The following ARID2 variants were observed in gnomAD, a reference collection of about 807,000 sequenced individuals.
ARID2 encodes AT-rich interaction domain 2.
ARID2 carries 32 observed loss-of-function variants against 184.6 expected under a neutral mutation model. The ratio of observed to expected loss-of-function variants is 0.17; its 90% CI spans 0.13 to 0.23. The LOEUF is 0.23. Ranked by LOEUF, ARID2 falls within the 10% of genes least tolerant of loss-of-function variation. The pLI, the probability that ARID2 is intolerant of heterozygous loss-of-function variation, is 1.00. For missense variants in ARID2, 1,696 were observed against 2,197.6 expected, an observed-to-expected ratio of 0.77 and a Z score of 4.56; for synonymous variants, 836 against 772.6, an observed-to-expected ratio of 1.08 and a Z score of -1.36.
chr12:45,825,660 C>T (rs751729523), intron 6 of ARID2, among the ~76,000 whole-genome samples: 1 of 152,016 alleles, frequency 6.6e-6, no homozygotes, highest in Non-Finnish European at 1.5e-5. Context: ...CCCAAGAGTT[C>T]AAGACTAGCC....
At chr12:45,845,300 G>A (rs894999962) in intron 11 of ARID2, among the ~76,000 whole-genome samples, 1 of 152,124 alleles carries the variant, frequency 6.6e-6, no homozygotes, top group Non-Finnish European at 1.5e-5. Flanking sequence ...AGTATTTTCT[G>A]TATTAATATC....
chr12:45,885,827 C>T (rs1305681934), intron 16 of ARID2, among the ~76,000 whole-genome samples: 1 of 152,160 alleles, frequency 6.6e-6, no homozygotes, highest in Non-Finnish European at 1.5e-5. Context: ...ATCACAAGAA[C>T]AGCATAGGGG....
chr12:45,783,398 C>G (rs1036376381), intron 3 of ARID2, among the ~76,000 whole-genome samples: 9 of 152,138 alleles, frequency 5.9e-5, no homozygotes, highest in African/African-American at 1.9e-4. Context: ...TTATGGTCAT[C>G]TCAGTAAATG....
In ARID2 at chr12:45,852,131, TGGGAAA is replaced by T. The variant is rs778226668; in HGVS notation, c.4009_4014del (p.Gly1337_Lys1338del). Reference sequence around the variant, plus strand: ...TGGAATTAGGTGAGAATGGAGCATCTGGGAAACAGAACTCAGAACAAATAGACATGC... The same window carrying T: ...TGGAATTAGGTGAGAATGGAGCATCTCAGAACTCAGAACAAATAGACATGC... On this transcript the variant is annotated inframe_deletion, in exon 15 of 21. Transcript: ENST00000334344. 1.2e-6 allele frequency: 2 copies of T among 1,614,134 alleles called. No homozygotes were observed. Among genetic ancestry groups the T allele is most frequent in the Non-Finnish European group, 1.7e-6 (2 of 1,180,008 alleles).
chr12:45,833,226 T>G (rs1041397958), intron 6 of ARID2, among the ~76,000 whole-genome samples: 2 of 152,190 alleles, frequency 1.3e-5, no homozygotes, highest in African/African-American at 2.4e-5. Flanking sequence ...GGGTATTAAA[T>G]GCATTACGAT....
chr12:45,867,509 G>A (rs9669291), intron 16 of ARID2, among the ~76,000 whole-genome samples: 156 of 151,054 alleles, frequency 1.0e-3, no homozygotes, highest in African/African-American at 3.6e-3. Context: ...TTGGGAGGCC[G>A]AGGCGGGCTG....
At chr12:45,867,674 C>T (rs766255340) in intron 16 of ARID2, among the ~76,000 whole-genome samples, 4 of 149,554 alleles carry the variant, frequency 2.7e-5, no homozygotes, top group Admixed American at 1.3e-4. Flanking sequence ...ACCCTGGAGG[C>T]GGAGCTTGCA....
At chr12:45,800,521 C>CAT (rs35671385) in intron 3 of ARID2, among the ~76,000 whole-genome samples, 91,118 of 151,650 alleles carry the variant, frequency 0.6, 28,886 homozygotes, top group African/African-American at 0.82. Flanking sequence ...AATTTATAAA[C>CAT]GTGTGCATGC....
intron 6 of ARID2, among the ~76,000 whole-genome samples, chr12:45,826,870 A>G (rs780835535): frequency 2.0e-5 from 3 of 152,142 alleles, no homozygotes; most frequent in Non-Finnish European, 4.4e-5. Flanking sequence ...CATATTATTT[A>G]AAGCAAAAGT....
chr12:45,746,301 A>G (rs1362906380), intron 3 of ARID2, among the ~76,000 whole-genome samples: 1 of 151,910 alleles, frequency 6.6e-6, no homozygotes, highest in Non-Finnish European at 1.5e-5. Context: ...TGTAGAGACC[A>G]GGGCTTTCTG....
At chr12:45,744,431 A>G (rs1253987993) in intron 3 of ARID2, among the ~76,000 whole-genome samples, 1 of 152,138 alleles carries the variant, frequency 6.6e-6, no homozygotes, top group African/African-American at 2.4e-5. Context: ...AGAGGGGCTA[A>G]TGATGAACAT....
intron 20 of ARID2, among the ~76,000 whole-genome samples, chr12:45,899,972 A>T (rs1944436355): frequency 6.6e-6 from 1 of 152,016 alleles, no homozygotes; most frequent in Non-Finnish European, 1.5e-5. Flanking sequence ...TTATTGTTCC[A>T]TCACAGTCGT....
At chr12:45,866,293 C>T (rs189455158) in intron 16 of ARID2, among the ~76,000 whole-genome samples, 131 of 152,186 alleles carry the variant, frequency 8.6e-4, no homozygotes, top group Admixed American at 5.5e-3. Context: ...GACAGGATTA[C>T]TCTTGAATTA....
At chr12:45,863,814 TCTC>T (rs777834645) in intron 16 of ARID2, among the ~76,000 whole-genome samples, 3 of 148,960 alleles carry the variant, frequency 2.0e-5, no homozygotes, top group Admixed American at 6.7e-5. Context: ...TATTTATAAT[TCTC>T]CTTTTTTTTT....
In ARID2 at chr12:45,730,175, G is replaced by C. The variant is rs1387005011; in HGVS notation, c.186+38G>C. 2.5e-6 allele frequency: 4 copies of C among 1,603,988 alleles called. No individual in the cohort carries two copies. In the South Asian group the frequency reaches 4.4e-5, roughly 18 times the overall value. On this transcript the variant is annotated intron_variant, in intron 2 of 20. Transcript: ENST00000334344. ...TTTAATTTGTATTTCCCTCTCGCTGGCCTCCTCCAAAAAGTCTCCTTTGAC... is the reference window on the plus strand; with the variant it reads ...TTTAATTTGTATTTCCCTCTCGCTGCCCTCCTCCAAAAAGTCTCCTTTGAC...
At chr12:45,737,171 G>C (rs945387390) in intron 3 of ARID2, among the ~76,000 whole-genome samples, 11 of 152,130 alleles carry the variant, frequency 7.2e-5, no homozygotes, top group Non-Finnish European at 1.3e-4. Context: ...AAGTCTCTTA[G>C]TGATGTCCAG....
rs530912158 is a variant in ARID2, at chr12:45,803,867, C to T, written c.285-7551C>T. On this transcript the variant is annotated intron_variant, in intron 3 of 20. Coordinates refer to ENST00000334344, the MANE Select transcript of ARID2 (RefSeq NM_152641.4). The stretch of plus-strand genomic sequence containing the variant: ...TCTTTAAGTTGACTTAACCTAGACA[C>T]ACGCAGACATTAGTAAATAGAAAAT... Among the ~76,000 whole-genome samples the T allele has an allele frequency of 9.2e-5, 14 of 152,278 alleles. No individual in the cohort carries two copies. In the South Asian group the frequency reaches 2.9e-3, roughly 32 times the overall value.
At chr12:45,801,589 G>A (rs1942502719) in intron 3 of ARID2, among the ~76,000 whole-genome samples, 1 of 151,994 alleles carries the variant, frequency 6.6e-6, no homozygotes, top group South Asian at 2.1e-4. Flanking sequence ...TATACACTAG[G>A]GTAACAATTC....
intron 3 of ARID2, among the ~76,000 whole-genome samples, chr12:45,791,580 T>G (rs1160355671): frequency 6.6e-6 from 1 of 152,152 alleles, no homozygotes; most frequent in African/African-American, 2.4e-5. Context: ...GAAAAGTATA[T>G]GTAAGATTGT....
Sources: allele counts gnomAD v4.1 joint callset (sites outside exome capture counted in the v4.1 genomes callset), GRCh38; gene constraint gnomAD v4.1.1; transcripts MANE v1.5; gene names NCBI Gene and HGNC (gene_info 2026-07-23, HGNC 2026-07-21).